The following EML5 variants were observed in gnomAD, a reference collection of about 807,000 sequenced individuals.
EML5 encodes EMAP like 5, also known as echinoderm microtubule-associated protein-like 5.
Under a neutral mutation model 250.0 loss-of-function variants are expected in EML5, and 120 were observed. That is an observed-to-expected ratio of 0.48 (90% CI 0.41 to 0.56). The LOEUF (loss-of-function observed/expected upper bound fraction) is 0.56. Ranked by LOEUF, EML5 falls within the 20% of genes least tolerant of loss-of-function variation. The probability of loss-of-function intolerance (pLI) is 0.00; values close to 1 mark genes in which losing one functional copy is unlikely to be tolerated. For synonymous variants in EML5, 771 were observed against 806.5 expected, an observed-to-expected ratio of 0.96 and a Z score of 0.75; for missense variants, 2,006 against 2,437.6, an observed-to-expected ratio of 0.82 and a Z score of 3.73.
intron 1 of EML5, among the ~76,000 whole-genome samples, chr14:88,779,771 TC>T (rs2094479015): frequency 6.6e-6 from 1 of 152,170 alleles, no homozygotes; most frequent in Non-Finnish European, 1.5e-5. Flanking sequence ...GGACTTGCTA[TC>T]TATACTGGCT....
intron 7 of EML5, among the ~76,000 whole-genome samples, chr14:88,736,006 T>C (rs1383315932): frequency 1.4e-5 from 2 of 147,444 alleles, no homozygotes; most frequent in African/African-American, 2.5e-5. Flanking sequence ...TTTCTTTCTT[T>C]TTTTTTTTTT....
intron 6 of EML5, among the ~76,000 whole-genome samples, chr14:88,738,649 A>G (rs975550448): frequency 2.0e-5 from 3 of 152,198 alleles, no homozygotes; most frequent in African/African-American, 7.2e-5. Context: ...TCCCATTATA[A>G]TAGATATTAG....
chr14:88,621,750 AAATTTTCATAGGAGTTG>A (rs2088995111), intron 37 of EML5: 1 of 345,590 alleles, frequency 2.9e-6, no homozygotes, highest in Non-Finnish European at 5.8e-6. Context: ...ACACGCTCAA[AAATTTTCATAGGAGTTG>A]TAGTTTTGAA....
intron 7 of EML5, among the ~76,000 whole-genome samples, chr14:88,735,928 T>C (rs1290248120): frequency 6.6e-6 from 1 of 152,026 alleles, no homozygotes; most frequent in African/African-American, 2.4e-5. Context: ...AATAATTCTA[T>C]TAATTTTCAG....
intron 16 of EML5, among the ~76,000 whole-genome samples, chr14:88,695,084 T>C (rs1159232593): frequency 6.6e-6 from 1 of 152,122 alleles, no homozygotes; most frequent in Non-Finnish European, 1.5e-5. Context: ...TAGCCTATCA[T>C]ACAGTAGAAC....
intron 15 of EML5, among the ~76,000 whole-genome samples, chr14:88,696,467 G>C (rs1420034810): frequency 5.9e-5 from 9 of 152,020 alleles, no homozygotes; most frequent in Non-Finnish European, 1.5e-5. Flanking sequence ...TTCTTTGCTA[G>C]CCTTTTACCC....
At chr14:88,651,076 C>G (rs1043093154) in intron 27 of EML5, among the ~76,000 whole-genome samples, 62 of 150,914 alleles carry the variant, frequency 4.1e-4, no homozygotes, top group Non-Finnish European at 2.5e-4. Flanking sequence ...ATATGAACCT[C>G]TTCATTTGTA....
In EML5 at chr14:88,736,838, T is replaced by A. The variant is rs1385166883; in HGVS notation, c.848-273A>T. ...ATCCTTCCCTAATTTTTTTTTATAG[T>A]GTTGTGCCCATCTTTGAGGGGTGCT... On this transcript the variant is annotated intron_variant, in intron 6 of 43. Transcript: ENST00000554922. Among the ~76,000 whole-genome samples, 3 of 152,062 alleles carry A rather than the reference T, an allele frequency of 2.0e-5. No individual in the cohort carries two copies. In the East Asian group the frequency reaches 5.8e-4, roughly 29 times the overall value.
At chr14:88,700,227 A>G (rs985272072) in intron 14 of EML5, among the ~76,000 whole-genome samples, 10 of 152,182 alleles carry the variant, frequency 6.6e-5, no homozygotes, top group Non-Finnish European at 1.2e-4. Context: ...GATCACAGTT[A>G]CTGACAAGAG....
Position 88,626,969 on chromosome 14 carries a change from A to C in EML5, c.4609T>G (p.Phe1537Val). Residue 1537 changes from phenylalanine (F) to valine (V), a missense_variant, in exon 35 of 44, where the codon TTT becomes GTT. Around this residue, in one of 7 missense-constraint regions of EML5, gnomAD observed 405 missense variants for 523.3 expected, o/e 0.77. Coordinates refer to ENST00000554922, the MANE Select transcript of EML5 (RefSeq NM_183387.3). ...ACATGTTTTACTCCCACTGAGACAA[A>C]CTGGGTATCTGAATCTGGTCGGAAT... Reference protein sequence around the residue: ...AEFRPDSDTQFVSVGVKHVKF... With the variant: ...AEFRPDSDTQVVSVGVKHVKF... 6.2e-7 allele frequency: 1 copy of C among 1,613,984 alleles called. No homozygotes were observed. The highest frequency in any genetic ancestry group is 1.1e-5 in the South Asian group (1 of 91,076).
chr14:88,736,574 A>C lies in EML5; in HGVS notation c.848-9T>G. ...ACTCCTTACAGACAAACCTAGTAAAAAGTAAATTGTATTTAATATATAATG... is the reference window on the plus strand; with the variant it reads ...ACTCCTTACAGACAAACCTAGTAAACAGTAAATTGTATTTAATATATAATG... On this transcript the variant is annotated splice_polypyrimidine_tract_variant and intron_variant, in intron 6 of 43. Coordinates refer to ENST00000554922, the MANE Select transcript of EML5 (RefSeq NM_183387.3). 6.2e-7 allele frequency: 1 copy of C among 1,612,980 alleles called. No individual in the cohort carries two copies.
intron 1 of EML5, among the ~76,000 whole-genome samples, chr14:88,776,732 T>A (rs1242331664): frequency 3.6e-5 from 5 of 139,296 alleles, no homozygotes; most frequent in Non-Finnish European, 7.7e-5. Flanking sequence ...AAAAAAAAAA[T>A]TAGCTGGGCA....
intron 8 of EML5, among the ~76,000 whole-genome samples, chr14:88,725,110 TAG>T (rs2093647499): frequency 6.6e-6 from 1 of 152,174 alleles, no homozygotes; most frequent in African/African-American, 2.4e-5. Context: ...ATGTCTTTCA[TAG>T]AGACCCAGAA....
chr14:88,791,986 A>G lies in EML5; in HGVS notation c.197+321T>C, dbSNP rs150667875. 4.9e-3 allele frequency among the ~76,000 whole-genome samples: 752 copies of G among 152,326 alleles called. 4 individuals are homozygous for G. Among genetic ancestry groups the G allele is most frequent in the Non-Finnish European group, 8.3e-3 (565 of 68,032 alleles). ...AATTTCTCACAGGATCTAACGGAATAAAGTGCCACCAAAATAACCTTTTCG... is the reference window on the plus strand; with the variant it reads ...AATTTCTCACAGGATCTAACGGAATGAAGTGCCACCAAAATAACCTTTTCG... On this transcript the variant is annotated intron_variant, in intron 1 of 43. Transcript: ENST00000554922.
chr14:88,771,443 T>G (rs1318443610), intron 1 of EML5, among the ~76,000 whole-genome samples: 1 of 152,338 alleles, frequency 6.6e-6, no homozygotes, highest in African/African-American at 2.4e-5. Flanking sequence ...AGTACTTTAC[T>G]CCTAGAACTA....
At chr14:88,696,730 T>C in intron 15 of EML5, 117 bp downstream of exon 15, 2 of 600,224 alleles carry the variant, frequency 3.3e-6, no homozygotes, top group South Asian at 3.2e-5. Flanking sequence ...ACACATTTGA[T>C]AAAAACTGTG....
At chr14:88,697,909 G>A (rs2093117309) in intron 14 of EML5, among the ~76,000 whole-genome samples, 1 of 151,714 alleles carries the variant, frequency 6.6e-6, no homozygotes, top group African/African-American at 2.4e-5. Flanking sequence ...CTAATTTTTT[G>A]TATTTTTAGT....
chr14:88,628,722 T>C (rs2090216871), intron 33 of EML5, among the ~76,000 whole-genome samples: 1 of 152,054 alleles, frequency 6.6e-6, no homozygotes, highest in Non-Finnish European at 1.5e-5. Flanking sequence ...TAAATGTTGG[T>C]CTCTAAAGAA....
chr14:88,754,540 G>A lies in EML5; in HGVS notation c.329C>T (p.Ala110Val), dbSNP rs1392041717. The change falls in exon 2 of 44, where the codon GCT becomes GTT. Residue 110 changes from alanine to valine, a missense_variant. By Grantham distance (64) the Ala-to-Val change is moderately conservative. Transcript: ENST00000554922. ...VLKDVHTHGI[A>V]CLAFDLDGQR... is the part of the protein sequence containing the mutation. ...TCCATCTAAGTCAAACGCCAAGCAA[G>A]CTATACCATGTGTATGAACATCCTT... 2.5e-6 allele frequency: 4 copies of A among 1,610,256 alleles called. No homozygotes were observed. Among genetic ancestry groups the A allele is most frequent in the Non-Finnish European group, 3.4e-6 (4 of 1,178,804 alleles).
Sources: gnomAD v4.1 joint callset for allele counts (sites outside exome capture counted in the v4.1 genomes callset) on GRCh38, gnomAD v4.1.1 for gene constraint, gnomAD v4.1.1 regional missense constraint, MANE v1.5 for transcripts, NCBI Gene and HGNC (gene_info 2026-07-23, HGNC 2026-07-21) for gene names.